Variants in MACROD2 observed in about 807,000 individuals in gnomAD.
MACROD2 encodes ADP-ribose glycohydrolase MACROD2.
Under a neutral mutation model 70.4 loss-of-function variants are expected in MACROD2, and 36 were observed. The observed-to-expected ratio is 0.51, with a 90% CI of 0.39 to 0.68. The LOEUF is 0.68. MACROD2 is among the 30% of genes least tolerant of loss of function. The pLI, the probability that MACROD2 is intolerant of heterozygous loss-of-function variation, is 0.00. For synonymous variants in MACROD2, 172 were observed against 178.8 expected (o/e 0.96, Z 0.30); for missense variants, 496 against 538.4 (o/e 0.92, Z 0.78).
intron 13 of MACROD2, among the ~76,000 whole-genome samples, chr20:15,980,087 A>T (rs552629189): frequency 6.6e-6 from 1 of 152,226 alleles, no homozygotes; most frequent in East Asian, 1.9e-4. Flanking sequence ...GGCTGCATGC[A>T]CCGGTGGTCA....
At chr20:15,751,373 T>C (rs2051266791) in intron 8 of MACROD2, among the ~76,000 whole-genome samples, 2 of 152,132 alleles carry the variant, frequency 1.3e-5, no homozygotes, top group African/African-American at 4.8e-5. Flanking sequence ...TCATAACATG[T>C]ATATTGATAT....
chr20:14,613,801 A>G (rs1325495093), intron 4 of MACROD2, among the ~76,000 whole-genome samples: 3 of 152,146 alleles, frequency 2.0e-5, no homozygotes, highest in Non-Finnish European at 4.4e-5. Flanking sequence ...CAATTAAATA[A>G]AAATCCACTT....
chr20:15,470,020 CTATT>C (rs1332576352), intron 7 of MACROD2, among the ~76,000 whole-genome samples: 1 of 152,032 alleles, frequency 6.6e-6, no homozygotes, highest in Non-Finnish European at 1.5e-5. Context: ...AGAAGTAAGT[CTATT>C]TATCTTTCTG....
chr20:14,543,177 C>T (rs2085453538), intron 4 of MACROD2, among the ~76,000 whole-genome samples: 1 of 152,054 alleles, frequency 6.6e-6, no homozygotes, highest in Non-Finnish European at 1.5e-5. Context: ...GCACCAAACC[C>T]TATATGTATT....
intron 3 of MACROD2, among the ~76,000 whole-genome samples, chr20:14,437,188 A>G (rs992991903): frequency 7.9e-5 from 12 of 152,172 alleles, no homozygotes; most frequent in Non-Finnish European, 1.8e-4. Flanking sequence ...GTAAGTGGTG[A>G]TGTTTTCTAA....
At chr20:15,039,008 C>A (rs1001822974) in intron 5 of MACROD2, among the ~76,000 whole-genome samples, 1 of 152,162 alleles carries the variant, frequency 6.6e-6, no homozygotes, top group Non-Finnish European at 1.5e-5. Context: ...TTTTATCTCA[C>A]CCCTTATAGA....
chr20:15,349,738 A>G lies in MACROD2; in HGVS notation c.541-81667A>G, dbSNP rs546743685. ...ACCATTGCACTCCATCCTGGATGAC[A>G]GAGAAAAACTCAGTCTCAAAAAAAA... On this transcript the variant is annotated intron_variant, in intron 6 of 17. Transcript: ENST00000684519. Among the ~76,000 whole-genome samples, 23 of 147,164 alleles carry G rather than the reference A, an allele frequency of 1.6e-4. No individual in the cohort carries two copies. The South Asian group carries it at 2.3e-3, about 15-fold the overall frequency.
At chr20:15,040,059 A>G (rs994613839) in intron 5 of MACROD2, among the ~76,000 whole-genome samples, 2 of 152,096 alleles carry the variant, frequency 1.3e-5, no homozygotes, top group African/African-American at 4.8e-5. Flanking sequence ...ATATGAGGGG[A>G]AAAGCAGGTC....
chr20:14,628,785 C>T (rs561317818), intron 4 of MACROD2: 10 of 152,260 alleles, frequency 6.6e-5, no homozygotes, highest in African/African-American at 2.2e-4. Flanking sequence ...ACAATTCCAG[C>T]TCCAAAGATA....
At chr20:15,606,529 A>G (rs999216687) in intron 8 of MACROD2, among the ~76,000 whole-genome samples, 1 of 152,194 alleles carries the variant, frequency 6.6e-6, no homozygotes, top group Non-Finnish European at 1.5e-5. Context: ...CACTTGCCAC[A>G]TTAAATCGTA....
Position 15,076,844 on chromosome 20 carries a change from G to A in MACROD2, c.419-153096G>A, listed in dbSNP as rs79756461. On this transcript the variant is annotated intron_variant, in intron 5 of 17. Transcript: ENST00000684519. ...ACGTAGAACTCCACATAGCAATGAA[G>A]GAAGAAATCAAAGAGTAAATGAATG... is the stretch of plus-strand genomic sequence containing the variant. Among the ~76,000 whole-genome samples, 1,220 of 152,226 alleles carry A rather than the reference G, an allele frequency of 8.0e-3. 52 individuals carry two copies. Among genetic ancestry groups the A allele is most frequent in the Admixed American group, 0.064 (972 of 15,262 alleles).
At chr20:15,635,798 TG>T (rs1278188558) in intron 8 of MACROD2, among the ~76,000 whole-genome samples, 1 of 151,374 alleles carries the variant, frequency 6.6e-6, no homozygotes, top group Non-Finnish European at 1.5e-5. Context: ...CTGGGCACGG[TG>T]GCTCACACCT....
At chr20:14,445,488 A>T (rs543378431) in intron 3 of MACROD2, among the ~76,000 whole-genome samples, 5 of 152,140 alleles carry the variant, frequency 3.3e-5, no homozygotes, top group South Asian at 4.1e-4. Context: ...CTTCCTCAAG[A>T]TTACTGACAC....
chr20:14,195,171 A>G (rs7265529), intron 3 of MACROD2, among the ~76,000 whole-genome samples: 29,435 of 152,076 alleles, frequency 0.19, 3,399 homozygotes, highest in African/African-American at 0.32. Context: ...ATTTTGGAGT[A>G]GTTGGGAAAT....
At chr20:14,679,909 A>G (rs1195894605) in intron 4 of MACROD2, among the ~76,000 whole-genome samples, 5 of 152,210 alleles carry the variant, frequency 3.3e-5, no homozygotes, top group Admixed American at 2.0e-4. Context: ...AACAACAGAA[A>G]TTGTTTATTG....
chr20:14,714,916 A>G (rs765731593), intron 5 of MACROD2, among the ~76,000 whole-genome samples: 4 of 152,172 alleles, frequency 2.6e-5, no homozygotes, highest in Non-Finnish European at 5.9e-5. Context: ...TTCTTTATTT[A>G]ATTCAAGAAT....
intron 3 of MACROD2, among the ~76,000 whole-genome samples, chr20:14,224,962 C>T (rs1036845261): frequency 6.6e-6 from 1 of 152,114 alleles, no homozygotes; most frequent in African/African-American, 2.4e-5. Context: ...GCTTGCTGCC[C>T]AGCATTTCAG....
chr20:15,919,813 G>A (rs2065375529), intron 10 of MACROD2, among the ~76,000 whole-genome samples: 1 of 152,068 alleles, frequency 6.6e-6, no homozygotes, highest in Non-Finnish European at 1.5e-5. Context: ...CCCTGTTACA[G>A]GGAAAAGACA....
chr20:14,901,668 A>G (rs897560863), intron 5 of MACROD2, among the ~76,000 whole-genome samples: 5 of 152,182 alleles, frequency 3.3e-5, no homozygotes, highest in Non-Finnish European at 7.3e-5. Flanking sequence ...TTTAAAAATA[A>G]CTATTTAAAA....
Sources: allele counts gnomAD v4.1 joint callset (sites outside exome capture counted in the v4.1 genomes callset), GRCh38; gene constraint gnomAD v4.1.1; transcripts MANE v1.5; gene names NCBI Gene and HGNC (gene_info 2026-07-23, HGNC 2026-07-21).